ADGRF4: variants seen among roughly 807,000 people sequenced by gnomAD.
ADGRF4 encodes G-protein coupled receptor PGR18.
In ADGRF4, 63 loss-of-function variants were observed where a neutral mutation model predicts 58.5. The observed-to-expected ratio is 1.08, with a 90% CI of 0.88 to 1.33. The LOEUF (loss-of-function observed/expected upper bound fraction) is 1.33. Ranked by LOEUF, ADGRF4 falls within the 40% of genes most tolerant of loss-of-function variation. The pLI, the probability that ADGRF4 is intolerant of heterozygous loss-of-function variation, is 0.00. For synonymous variants in ADGRF4, 313 were observed against 295.4 expected (o/e 1.06, Z -0.61); for missense variants, 931 against 843.9 (o/e 1.10, Z -1.28).
intron 1 of ADGRF4, among the ~76,000 whole-genome samples, chr6:47,706,585 T>C (rs945782): frequency 0.57 from 87,058 of 152,034 alleles, 25,760 homozygotes; most frequent in Middle Eastern, 0.7. Context: ...ATCTATTGGG[T>C]AGAGGCCAGG....
In ADGRF4 at chr6:47,699,936, C is replaced by A. The variant is rs367661741; in HGVS notation, c.-17+1142C>A. Among the ~76,000 whole-genome samples, 655 of 111,580 alleles carry A rather than the reference C, an allele frequency of 5.9e-3. 3 individuals carry two copies. Among genetic ancestry groups the A allele is most frequent in the African/African-American group, 0.021 (569 of 26,770 alleles). 73.2% of individuals were successfully genotyped at this position (111,580 alleles called of 152,430 possible). On this transcript the variant is annotated intron_variant, in intron 1 of 9. Coordinates refer to ENST00000283303, the MANE Select transcript of ADGRF4 (RefSeq NM_153838.5). ...CACACACACACACAGACGACACACC[C>A]CCCCCCCCAAAATGTGGGTCACTTA...
At chr6:47,711,128 A>G (rs556021995) in intron 4 of ADGRF4, among the ~76,000 whole-genome samples, 69 of 147,350 alleles carry the variant, frequency 4.7e-4, no homozygotes, top group African/African-American at 1.6e-3. Flanking sequence ...AAAAAAAAAA[A>G]AGATATGAAA....
chr6:47,717,630 G>A (rs898564560), intron 8 of ADGRF4, among the ~76,000 whole-genome samples: 39 of 152,158 alleles, frequency 2.6e-4, no homozygotes, highest in African/African-American at 9.4e-4. Context: ...ATCACAGATT[G>A]GTAAAATGTG....
chr6:47,712,103 T>A (rs1771885845), intron 4 of ADGRF4, among the ~76,000 whole-genome samples: 1 of 152,188 alleles, frequency 6.6e-6, no homozygotes, highest in Admixed American at 6.5e-5. Flanking sequence ...AATACTTGAG[T>A]TAAAAATCAC....
chr6:47,716,658 C>T, intron 6 of ADGRF4, 148 bp from the exon 7 acceptor site: 1 of 661,868 alleles, frequency 1.5e-6, no homozygotes, highest in South Asian at 1.7e-5. Context: ...GAACACCCAT[C>T]AGTGCATTTT....
In ADGRF4 at chr6:47,714,228, G is replaced by A; in HGVS notation, c.983G>A (p.Arg328Lys). Reference sequence around the variant, plus strand: ...GTGCTATCAGTGGTTTTACCAGAAAGGTTGCAAGAAATCATACTCACCTTC... The same window carrying A: ...GTGCTATCAGTGGTTTTACCAGAAAAGTTGCAAGAAATCATACTCACCTTC... ...GLVLSVVLPE[R>K]LQEIILTFEK... Residue 328 changes from arginine (R) to lysine (K), a missense_variant, in exon 6 of 10, where the codon AGG becomes AAG. By Grantham distance (26) the Arg-to-Lys change is conservative. Coordinates refer to ENST00000283303, the MANE Select transcript of ADGRF4 (RefSeq NM_153838.5). The A allele has an allele frequency of 6.2e-7, 1 of 1,614,108 alleles. No individual in the cohort carries two copies. Among genetic ancestry groups the A allele is most frequent in the Non-Finnish European group, 8.5e-7 (1 of 1,180,016 alleles).
chr6:47,704,738 T>A (rs922881107), intron 1 of ADGRF4, among the ~76,000 whole-genome samples: 1 of 152,138 alleles, frequency 6.6e-6, no homozygotes, highest in Non-Finnish European at 1.5e-5. Flanking sequence ...ATAAAAATAT[T>A]GGATATATCA....
intron 9 of ADGRF4, 59 bp downstream of exon 9, chr6:47,718,504 C>T: frequency 4.3e-6 from 4 of 924,226 alleles, no homozygotes; most frequent in South Asian, 1.3e-5. Context: ...TCCACCAATG[C>T]CCCTTGTGAC....
rs1230150831 is a variant in ADGRF4 at position 47,713,818 on chromosome 6, C to A, written c.573C>A (p.Asn191Lys). ...TGCAGAGCTATAGTGAAGTGGCCAA[C>A]CACATCCTCGACACAGCAGCCATTT... is the stretch of plus-strand genomic sequence containing the variant. The part of the protein sequence containing the change: ...EKMKSYSEVA[N>K]HILDTAAISN... Residue 191 changes from asparagine (N) to lysine (K), a missense_variant, in exon 6 of 10, where the codon AAC becomes AAA. Coordinates refer to ENST00000283303, the MANE Select transcript of ADGRF4 (RefSeq NM_153838.5). 1 of 1,559,102 alleles carries A rather than the reference C, an allele frequency of 6.4e-7. No individual in the cohort carries two copies. Among genetic ancestry groups the A allele is most frequent in the South Asian group, 1.2e-5 (1 of 80,388 alleles).
In ADGRF4 at chr6:47,718,373, T is replaced by C. The variant is rs777266393; in HGVS notation, c.2035-16T>C. 5 of 1,434,234 alleles carry C rather than the reference T, an allele frequency of 3.5e-6. No homozygotes were observed. In the African/African-American group the frequency reaches 5.6e-5, roughly 16 times the overall value. 88.8% of individuals were successfully genotyped at this position (1,434,234 alleles called of 1,614,324 possible). On this transcript the variant is annotated splice_polypyrimidine_tract_variant and intron_variant, in intron 8 of 9. Coordinates refer to ENST00000283303, the MANE Select transcript of ADGRF4 (RefSeq NM_153838.5). Reference sequence around the variant, plus strand: ...TAATTACTCATTACCACTACTGTTATTTTTCCCCCACTTAGAATGCATCAC... The same window carrying C: ...TAATTACTCATTACCACTACTGTTACTTTTCCCCCACTTAGAATGCATCAC...
chr6:47,714,774 T>C lies in ADGRF4; in HGVS notation c.1529T>C (p.Met510Thr). 2.5e-6 allele frequency: 4 copies of C among 1,614,054 alleles called. No individual in the cohort carries two copies. The African/African-American group carries it at 5.3e-5, about 22-fold the overall frequency. The change falls in exon 6 of 10, where the codon ATG becomes ACG. Residue 510 changes from methionine (M) to threonine (T), a missense_variant. Transcript: ENST00000283303. ...YGILVIFRRM[M>T]KSRMMVIGFA... is the part of the protein sequence containing the mutation. ...ATATTGGTCATTTTCCGTAGGATGA[T>C]GAAGTCCCGAATGATGGTCATTGGC...
intron 2 of ADGRF4, among the ~76,000 whole-genome samples, chr6:47,707,672 T>G (rs186753860): frequency 6.6e-6 from 1 of 152,216 alleles, no homozygotes. Flanking sequence ...GTTGCACAAG[T>G]TGTTTCACTT....
intron 5 of ADGRF4, 47 bp from the exon 6 acceptor site, chr6:47,713,748 TACA>T (rs1264243338): frequency 7.2e-7 from 1 of 1,391,748 alleles, no homozygotes. Flanking sequence ...ATCAACTTTG[TACA>T]ACAATGTGTA....
In ADGRF4 at chr6:47,712,847, G is replaced by A. The variant is rs115997756; in HGVS notation, c.552+239G>A. On this transcript the variant is annotated intron_variant, in intron 5 of 9. Transcript: ENST00000283303. ...TATTTTGAAGAAAATATCACATAGTGTAGTGATGGCTATGAGCAAGACGGA... is the reference window on the plus strand; with the variant it reads ...TATTTTGAAGAAAATATCACATAGTATAGTGATGGCTATGAGCAAGACGGA... Among the ~76,000 whole-genome samples, 657 of 152,272 alleles carry A rather than the reference G, an allele frequency of 4.3e-3. 3 individuals are homozygous for A. Among genetic ancestry groups the A allele is most frequent in the African/African-American group, 0.014 (573 of 41,546 alleles).
intron 8 of ADGRF4, 67 bp from the exon 9 acceptor site, chr6:47,718,322 A>G (rs1376079612): frequency 8.3e-6 from 7 of 845,052 alleles, no homozygotes; most frequent in Non-Finnish European, 1.3e-5. Flanking sequence ...ATTTATCTCT[A>G]GAGAGGGATA....
intron 9 of ADGRF4, among the ~76,000 whole-genome samples, chr6:47,719,834 T>A (rs897921447): frequency 3.3e-5 from 5 of 152,186 alleles, no homozygotes. Flanking sequence ...AGTCTGCCAG[T>A]ATTAGAAGGA....
chr6:47,703,680 T>C (rs1420149790), intron 1 of ADGRF4, among the ~76,000 whole-genome samples: 1 of 152,238 alleles, frequency 6.6e-6, no homozygotes, highest in Non-Finnish European at 1.5e-5. Flanking sequence ...CAGCCATTTG[T>C]GCTTAGTTCA....
chr6:47,713,423 C>T (rs1298148464), intron 5 of ADGRF4, among the ~76,000 whole-genome samples: 2 of 152,108 alleles, frequency 1.3e-5, no homozygotes, highest in African/African-American at 4.8e-5. Flanking sequence ...CTTTGTAAGG[C>T]AGAGGGAGAT....
intron 6 of ADGRF4, 119 bp from the exon 7 acceptor site, chr6:47,716,687 C>G: frequency 1.3e-6 from 1 of 756,704 alleles, no homozygotes; most frequent in Middle Eastern, 3.7e-4. Flanking sequence ...TTAGTGGAAA[C>G]TGAACTTTCT....
Sources: allele counts gnomAD v4.1 joint callset (sites outside exome capture counted in the v4.1 genomes callset), GRCh38; gene constraint gnomAD v4.1.1; transcripts MANE v1.5; gene names NCBI Gene and HGNC (gene_info 2026-07-23, HGNC 2026-07-21).